IL17D: variants seen among roughly 807,000 people sequenced by gnomAD.
IL17D encodes interleukin-17D.
A neutral mutation model predicts 5.7 loss-of-function variants in IL17D; 10 were observed. The observed-to-expected ratio is 1.75, with a 90% CI of 1.08 to 2.97. The LOEUF (loss-of-function observed/expected upper bound fraction) is 2.97. Among genes scored for constraint, IL17D ranks in the 30% most tolerant of loss-of-function variants. The probability of loss-of-function intolerance (pLI) is 0.00; values close to 1 mark genes in which losing one functional copy is unlikely to be tolerated. For synonymous variants in IL17D, 172 were observed against 141.7 expected, an observed-to-expected ratio of 1.21 and a Z score of -1.52; for missense variants, 354 against 292.7, an observed-to-expected ratio of 1.21 and a Z score of -1.53.
At chr13:20,706,795 G>C (rs542407569) in intron 1 of IL17D, among the ~76,000 whole-genome samples, 12 of 152,210 alleles carry the variant, frequency 7.9e-5, no homozygotes. Flanking sequence ...AGCCGAGGGA[G>C]GTTATGGATG....
intron 1 of IL17D, among the ~76,000 whole-genome samples, chr13:20,719,055 A>C (rs116893947): frequency 7.5e-4 from 105 of 140,006 alleles, no homozygotes; most frequent in South Asian, 3.8e-3. Flanking sequence ...CACCTGGCCC[A>C]CACACACCTG....
chr13:20,709,592 T>C (rs1040678738), intron 1 of IL17D, among the ~76,000 whole-genome samples: 5 of 152,196 alleles, frequency 3.3e-5, no homozygotes, highest in African/African-American at 1.2e-4. Context: ...GTTCAGCGCC[T>C]ACACATACAC....
rs117483261 is a variant in IL17D at position 20,715,488 on chromosome 13, G to A, written c.291-6148G>A. On this transcript the variant is annotated intron_variant, in intron 1 of 1. Coordinates refer to ENST00000682841, the MANE Select transcript of IL17D (RefSeq NM_001385224.1). ...CAGCTGCAAATCGATAGATAGATCC[G>A]AGCTTAGCCAATGGCTAGCTAGCCT... Among the ~76,000 whole-genome samples the A allele has an allele frequency of 2.1e-4, 32 of 152,282 alleles. No individual in the cohort carries two copies. The East Asian group carries it at 5.8e-3, about 28-fold the overall frequency.
chr13:20,709,682 A>C (rs917217028), intron 1 of IL17D, among the ~76,000 whole-genome samples: 2 of 114,142 alleles, frequency 1.8e-5, no homozygotes, highest in African/African-American at 6.0e-5. Flanking sequence ...GAGGAGACCT[A>C]CTTTTTACTC....
At position 20,704,165 on chromosome 13, in the gene IL17D, AC is replaced by A; in HGVS notation, c.166del (p.His56ThrfsTer65). 1 of 1,371,694 alleles carries A rather than the reference AC, an allele frequency of 7.3e-7. No individual in the cohort carries two copies. Among genetic ancestry groups the A allele is most frequent in the South Asian group, 1.5e-5 (1 of 68,606 alleles). 85.0% of individuals were successfully genotyped at this position (1,371,694 alleles called of 1,614,324 possible). A position where few individuals can be genotyped will look rare whatever the true frequency, so the allele number is the denominator to read the frequency against. On this transcript the variant is annotated frameshift_variant, in exon 1 of 2. Coordinates refer to ENST00000682841, the MANE Select transcript of IL17D (RefSeq NM_001385224.1). LOFTEE classifies it high-confidence loss of function. ...RLAAGVLSAFHHTLQLGPREQ... is the reference protein window; with the variant it reads ...RLAAGVLSAFXHTLQLGPREQ... The stretch of plus-strand genomic sequence containing the variant: ...GCGGCCGGCGTGCTCAGTGCCTTCC[AC>A]CACACGCTGCAGCTGGGGCCGCGTG...
At chr13:20,715,247 G>A (rs573844741) in intron 1 of IL17D, among the ~76,000 whole-genome samples, 19 of 128,202 alleles carry the variant, frequency 1.5e-4, no homozygotes, top group Non-Finnish European at 2.8e-4. Flanking sequence ...TAGAGCAATT[G>A]AATCAGAATC....
intron 1 of IL17D, among the ~76,000 whole-genome samples, chr13:20,720,152 C>T (rs1045186802): frequency 6.6e-6 from 1 of 152,186 alleles, no homozygotes; most frequent in Non-Finnish European, 1.5e-5. Flanking sequence ...TGCACCCAGT[C>T]TCCACCATCA....
At chr13:20,706,175 C>A (rs1042874627) in intron 1 of IL17D, among the ~76,000 whole-genome samples, 1 of 152,224 alleles carries the variant, frequency 6.6e-6, no homozygotes, top group Non-Finnish European at 1.5e-5. Flanking sequence ...TCACTCCTGT[C>A]CTTCAGCTGG....
At chr13:20,702,867 T>A (rs984262329), upstream of IL17D, 1 of 152,136 alleles carries the variant, frequency 6.6e-6, no homozygotes, top group African/African-American at 2.4e-5. Context: ...AATAGAGATT[T>A]AAAAAAACCT....
intron 1 of IL17D, among the ~76,000 whole-genome samples, chr13:20,704,717 A>G (rs993354639): frequency 1.3e-5 from 2 of 151,916 alleles, no homozygotes; most frequent in African/African-American, 4.8e-5. Context: ...TGGGTCCGCA[A>G]GGCACTAGCT....
At chr13:20,709,867 A>G (rs2058620730) in intron 1 of IL17D, among the ~76,000 whole-genome samples, 1 of 152,204 alleles carries the variant, frequency 6.6e-6, no homozygotes, top group African/African-American at 2.4e-5. Context: ...CATTGGTTGA[A>G]GGGCACCGTT....
Position 20,721,667 on chromosome 13 carries a change from T to C in IL17D, c.322T>C (p.Tyr108His). The change falls in exon 2 of 2, where the codon TAC (tyrosine) becomes CAC (histidine). Residue 108 changes from tyrosine to histidine, a missense_variant. By Grantham distance (83) the Tyr-to-His change is moderately conservative (BLOSUM62 2). Coordinates refer to ENST00000682841, the MANE Select transcript of IL17D (RefSeq NM_001385224.1). ...CTACGACCCGGCGAGGTACCCCAGGTACCTGCCTGAAGCCTACTGCCTGTG... is the reference window on the plus strand; with the variant it reads ...CTACGACCCGGCGAGGTACCCCAGGCACCTGCCTGAAGCCTACTGCCTGTG... ...ISYDPARYPR[Y>H]LPEAYCLCRG... 6.2e-7 allele frequency: 1 copy of C among 1,607,358 alleles called. No individual in the cohort carries two copies. Among genetic ancestry groups the C allele is most frequent in the Non-Finnish European group, 8.5e-7 (1 of 1,176,372 alleles).
intron 1 of IL17D, among the ~76,000 whole-genome samples, chr13:20,707,730 G>T (rs897712766): frequency 3.3e-5 from 5 of 152,118 alleles, no homozygotes; most frequent in Non-Finnish European, 7.3e-5. Context: ...TCACTTTGTT[G>T]CCCAGGTTCG....
In IL17D at chr13:20,704,179, C is replaced by G; in HGVS notation, c.178C>G (p.Leu60Val). ...VLSAFHHTLQ[L>V]GPREQARNAS... The stretch of plus-strand genomic sequence containing the variant: ...CAGTGCCTTCCACCACACGCTGCAG[C>G]TGGGGCCGCGTGAGCAGGCGCGCAA... The change falls in exon 1 of 2, where the codon CTG becomes GTG. Residue 60 changes from leucine (L) to valine (V), a missense_variant. Physicochemically the swap from Leu to Val is conservative, Grantham distance 32. Transcript: ENST00000682841. 1 of 1,373,110 alleles carries G rather than the reference C, an allele frequency of 7.3e-7. No individual in the cohort carries two copies. Among genetic ancestry groups the G allele is most frequent in the Non-Finnish European group, 9.5e-7 (1 of 1,056,736 alleles). 85.1% of individuals were successfully genotyped at this position (1,373,110 alleles called of 1,614,324 possible). A position where few individuals can be genotyped will look rare whatever the true frequency, so the allele number is the denominator to read the frequency against.
intron 1 of IL17D, among the ~76,000 whole-genome samples, chr13:20,719,219 CCA>C (rs2058712657): frequency 6.8e-6 from 1 of 147,950 alleles, no homozygotes; most frequent in African/African-American, 2.5e-5. Context: ...TGCCCACTCA[CCA>C]CACACGCCCA....
intron 1 of IL17D, among the ~76,000 whole-genome samples, chr13:20,714,537 TC>T (rs2058664017): frequency 6.6e-6 from 1 of 152,204 alleles, no homozygotes; most frequent in Non-Finnish European, 1.5e-5. Flanking sequence ...GCCTTCTTTT[TC>T]CTAATAGCCC....
Position 20,704,255 on chromosome 13 carries a change from C to T in IL17D, c.254C>T (p.Pro85Leu), listed in dbSNP as rs1001984576. The T allele has an allele frequency of 5.1e-5, 66 of 1,303,814 alleles. No homozygotes were observed. In the African/African-American group the frequency reaches 9.1e-4, roughly 18 times the overall value. 80.8% of individuals were successfully genotyped at this position (1,303,814 alleles called of 1,614,324 possible). A position where few individuals can be genotyped will look rare whatever the true frequency, so the allele number is the denominator to read the frequency against. The change falls in exon 1 of 2, where the codon CCC becomes CTC. Residue 85 changes from proline (P) to leucine (L), a missense_variant. Pro to Leu is a moderately conservative substitution (Grantham distance 98, BLOSUM62 -3). Transcript: ENST00000682841. ...CCCGCCGACCGCCGCTTCCGGCCGC[C>T]CACCAACCTGCGCAGCGTGTCGCCC... ...GRPADRRFRP[P>L]TNLRSVSPWA...
At chr13:20,720,136 T>C (rs1464532919) in intron 1 of IL17D, among the ~76,000 whole-genome samples, 1 of 152,180 alleles carries the variant, frequency 6.6e-6, no homozygotes, top group Non-Finnish European at 1.5e-5. Flanking sequence ...CTTCGTGGAC[T>C]GAGGATGCAC....
At chr13:20,717,954 G>A (rs2058690623) in intron 1 of IL17D, among the ~76,000 whole-genome samples, 1 of 152,094 alleles carries the variant, frequency 6.6e-6, no homozygotes, top group Non-Finnish European at 1.5e-5. Context: ...TGTTCATGAA[G>A]AACCCAAACG....
Sources: gnomAD v4.1 joint callset for allele counts (sites outside exome capture counted in the v4.1 genomes callset) on GRCh38, gnomAD v4.1.1 for gene constraint, MANE v1.5 for transcripts, NCBI Gene and HGNC (gene_info 2026-07-23, HGNC 2026-07-21) for gene names.